Variants in SECISBP2L observed in about 807,000 individuals in gnomAD.
SECISBP2L encodes SECIS binding protein 2 like, also known as selenocysteine insertion sequence-binding protein 2-like.
SECISBP2L carries 43 observed loss-of-function variants against 114.7 expected under a neutral mutation model. That is an observed-to-expected ratio of 0.38 (90% CI 0.29 to 0.48). The LOEUF (loss-of-function observed/expected upper bound fraction) is 0.48. SECISBP2L is among the 20% of genes least tolerant of loss of function. SECISBP2L has a pLI of 0.98. For synonymous variants in SECISBP2L, 451 were observed against 439.7 expected (o/e 1.03, Z -0.32); for missense variants, 1,136 against 1,301.1 (o/e 0.87, Z 1.95).
In SECISBP2L at chr15:48,989,963, T is replaced by C. The variant is rs1432985696; in HGVS notation, c.*2281A>G. On this transcript the variant is annotated 3_prime_UTR_variant, in exon 18 of 18. Transcript: ENST00000559471. ...ATGGTAACATTTCCTTTAATAATTC[T>C]TGGGTTGTCCTCTAGAGGTGACCTG... 1 of 152,656 alleles carries C rather than the reference T, an allele frequency of 6.6e-6. No individual in the cohort carries two copies. Among genetic ancestry groups the C allele is most frequent in the Non-Finnish European group, 1.5e-5 (1 of 68,042 alleles). 9.5% of individuals were successfully genotyped at this position (152,656 alleles called of 1,614,324 possible). A position where few individuals can be genotyped will look rare whatever the true frequency, so the allele number is the denominator to read the frequency against.
intron 7 of SECISBP2L, 118 bp downstream of exon 7, chr15:49,027,247 A>T: frequency 1.6e-6 from 1 of 620,390 alleles, no homozygotes; most frequent in Non-Finnish European, 2.7e-6. Context: ...TTAAAGTTAC[A>T]CATGATAGTT....
chr15:49,029,358 A>G (rs2141080284), intron 4 of SECISBP2L, among the ~76,000 whole-genome samples: 1 of 152,176 alleles, frequency 6.6e-6, no homozygotes, highest in South Asian at 2.1e-4. Flanking sequence ...ACTTTTCTTT[A>G]CGCATTTGCC....
At chr15:49,004,188 A>G (rs1271112544) in intron 14 of SECISBP2L, among the ~76,000 whole-genome samples, 1 of 152,090 alleles carries the variant, frequency 6.6e-6, no homozygotes, top group Non-Finnish European at 1.5e-5. Flanking sequence ...GTGTCCAGGA[A>G]TTTATCCATT....
Position 49,017,597 on chromosome 15 carries a change from T to C in SECISBP2L, c.1202A>G (p.Asn401Ser). 3 of 1,609,320 alleles carry C rather than the reference T, an allele frequency of 1.9e-6. No individual in the cohort carries two copies. The highest frequency in any genetic ancestry group is 1.7e-4 in the Middle Eastern group (1 of 6,014). Reference protein sequence around the residue: ...DEDGFQELNENGNAKDENIQQ... With the variant: ...DEDGFQELNESGNAKDENIQQ... ...AATATTCTCATCCTTAGCATTTCCA[T>C]TCTCATTTAGTTCTTGAAACCCATC... The change falls in exon 9 of 18, where the codon AAT (asparagine) becomes AGT (serine). Residue 401 changes from asparagine to serine, a missense_variant. Physicochemically the swap from Asn to Ser is conservative, Grantham distance 46. Coordinates refer to ENST00000559471, the MANE Select transcript of SECISBP2L (RefSeq NM_001193489.2).
At chr15:49,031,653 GAAGAATAAAA>G (rs1342813657) in intron 4 of SECISBP2L, among the ~76,000 whole-genome samples, 1 of 151,940 alleles carries the variant, frequency 6.6e-6, no homozygotes, top group Non-Finnish European at 1.5e-5. Flanking sequence ...AAACTTAACT[GAAGAATAAAA>G]ATACTGACAG....
chr15:49,016,758 TTAAGA>T (rs1902544852), intron 10 of SECISBP2L, 57 bp from the exon 11 acceptor site: 1 of 1,525,192 alleles, frequency 6.6e-7, no homozygotes, highest in Non-Finnish European at 8.8e-7. Flanking sequence ...CTGTGGCATT[TTAAGA>T]TGACTACATT....
At chr15:49,004,394 T>C (rs757205327) in intron 14 of SECISBP2L, among the ~76,000 whole-genome samples, 10 of 152,228 alleles carry the variant, frequency 6.6e-5, no homozygotes, top group South Asian at 2.1e-4. Flanking sequence ...CCTAGATTCA[T>C]TGACTGTTTG....
intron 1 of SECISBP2L, among the ~76,000 whole-genome samples, chr15:49,039,518 T>C (rs1412968528): frequency 6.6e-6 from 1 of 151,848 alleles, no homozygotes. Context: ...GGATTTCTTT[T>C]TTTTTTCTTT....
chr15:48,992,320 C>T lies in SECISBP2L; in HGVS notation c.3230G>A (p.Gly1077Glu), dbSNP rs1566849658. 1 of 1,614,100 alleles carries T rather than the reference C, an allele frequency of 6.2e-7. No individual in the cohort carries two copies. Among genetic ancestry groups the T allele is most frequent in the South Asian group, 1.1e-5 (1 of 91,078 alleles). Residue 1077 changes from glycine (G) to glutamate (E), a missense_variant, in exon 18 of 18, where the codon GGG becomes GAG. By Grantham distance (98) the Gly-to-Glu change is moderately conservative. This residue lies in a region of SECISBP2L where 684 missense variants were observed against 848.7 expected (regional missense o/e 0.81). Coordinates refer to ENST00000559471, the MANE Select transcript of SECISBP2L (RefSeq NM_001193489.2). ...GCTGCAGTTGCTGGACTTCTGCTGC[C>T]CAGGACTGGCCTGCTGGTCAGCAGT... ...AWTADQQASPGQQKSSNCSSL... is the reference protein window; with the variant it reads ...AWTADQQASPEQQKSSNCSSL...
chr15:48,999,043 A>T (rs560290090), intron 16 of SECISBP2L, among the ~76,000 whole-genome samples: 1 of 152,364 alleles, frequency 6.6e-6, no homozygotes, highest in African/African-American at 2.4e-5. Context: ...TAAACGTGAC[A>T]AAAGCACAGG....
intron 2 of SECISBP2L, 22 bp from the exon 3 acceptor site, chr15:49,035,680 G>C: frequency 6.3e-7 from 1 of 1,579,232 alleles, no homozygotes; most frequent in Non-Finnish European, 8.6e-7. Context: ...AATCAAAGAA[G>C]AACAAATCTA....
chr15:49,012,459 T>C (rs1400380315), intron 12 of SECISBP2L, among the ~76,000 whole-genome samples, 189 bp downstream of exon 12: 3 of 152,166 alleles, frequency 2.0e-5, no homozygotes, highest in Admixed American at 6.6e-5. Context: ...GGCCCCGTTC[T>C]ACACAGAAAG....
At chr15:49,004,749 A>T (rs1169813179) in intron 14 of SECISBP2L, among the ~76,000 whole-genome samples, 1 of 152,212 alleles carries the variant, frequency 6.6e-6, no homozygotes, top group Non-Finnish European at 1.5e-5. Context: ...GTTTTGAGTG[A>T]GTTTATTAAT....
chr15:49,012,607 T>C (rs773683468), intron 12 of SECISBP2L, 41 bp downstream of exon 12: 1 of 1,594,796 alleles, frequency 6.3e-7, no homozygotes, highest in Admixed American at 1.7e-5. Context: ...AAAATCCTTA[T>C]TCATCCTATA....
At chr15:48,995,200 T>C (rs1025539038) in intron 17 of SECISBP2L, among the ~76,000 whole-genome samples, 4 of 152,242 alleles carry the variant, frequency 2.6e-5, no homozygotes, top group Admixed American at 1.3e-4. Flanking sequence ...GTTTCTCTTA[T>C]GGCTTGCCTT....
At chr15:49,040,690 CA>C in intron 1 of SECISBP2L, among the ~76,000 whole-genome samples, 1 of 151,136 alleles carries the variant, frequency 6.6e-6, no homozygotes, top group Non-Finnish European at 1.5e-5. Flanking sequence ...CGCCCACCAT[CA>C]CGCCCGGCTA....
At chr15:49,038,533 C>G (rs1291627946) in intron 1 of SECISBP2L, among the ~76,000 whole-genome samples, 1 of 151,580 alleles carries the variant, frequency 6.6e-6, no homozygotes, top group Non-Finnish European at 1.5e-5. Context: ...AGGAATTATT[C>G]TTAGCAAAGA....
chr15:49,006,859 TGGA>T (rs1456697998), intron 14 of SECISBP2L, among the ~76,000 whole-genome samples: 3 of 152,190 alleles, frequency 2.0e-5, no homozygotes, highest in African/African-American at 4.8e-5. Context: ...TGTGATCCTT[TGGA>T]GGAGAAGAGG....
rs760784117 is a variant in SECISBP2L, at chr15:49,012,667, C to T, written c.1712G>A (p.Arg571Gln). Residue 571 changes from arginine to glutamine, a missense_variant, in exon 12 of 18, where the codon CGA becomes CAA. Transcript: ENST00000559471. ...GTTTACCTTTTTAAGTGCTGTGGGT[C>T]GTTTTAGTTTTGCAATTTCCTTCTC... Reference protein sequence around the residue: ...GKEKEIAKLKRPTALKKVILK... With the variant: ...GKEKEIAKLKQPTALKKVILK... The T allele has an allele frequency of 1.2e-6, 2 of 1,613,090 alleles. No homozygotes were observed. The highest frequency in any genetic ancestry group is 1.7e-5 in the Admixed American group (1 of 59,902).
Sources: allele counts gnomAD v4.1 joint callset (sites outside exome capture counted in the v4.1 genomes callset), GRCh38; gene constraint gnomAD v4.1.1; regional missense constraint gnomAD v4.1.1; transcripts MANE v1.5; gene names NCBI Gene and HGNC (gene_info 2026-07-23, HGNC 2026-07-21).